The following FAM107B variants were observed in gnomAD, a reference collection of about 807,000 sequenced individuals.
FAM107B encodes protein FAM107B.
In FAM107B, 21 loss-of-function variants were observed where a neutral mutation model predicts 31.5. The observed-to-expected ratio is 0.67, with a 90% CI of 0.47 to 0.96. The LOEUF is 0.96. Among genes scored for constraint, FAM107B ranks in the 40% least tolerant of loss-of-function variants. FAM107B has a pLI of 0.00. For missense variants in FAM107B, 452 were observed against 377.1 expected, an observed-to-expected ratio of 1.20 and a Z score of -1.64; for synonymous variants, 157 against 141.5, an observed-to-expected ratio of 1.11 and a Z score of -0.78.
At chr10:14,675,298 G>A (rs1204838680) in intron 1 of FAM107B, among the ~76,000 whole-genome samples, 2 of 152,070 alleles carry the variant, frequency 1.3e-5, no homozygotes, top group African/African-American at 4.8e-5. Context: ...GCCCAAGTGT[G>A]CCCCAGTTTT....
chr10:14,574,036 T>A (rs893950311), intron 2 of FAM107B, among the ~76,000 whole-genome samples: 1 of 151,936 alleles, frequency 6.6e-6, no homozygotes, highest in Non-Finnish European at 1.5e-5. Flanking sequence ...AAGACCAGGG[T>A]AGACACTTAA....
At chr10:14,682,893 T>TA (rs1417734566) in intron 1 of FAM107B, among the ~76,000 whole-genome samples, 5 of 150,536 alleles carry the variant, frequency 3.3e-5, no homozygotes, top group Admixed American at 2.0e-4. Context: ...AGTATAATAA[T>TA]AAAAAAAAGA....
intron 2 of FAM107B, among the ~76,000 whole-genome samples, chr10:14,597,511 T>C (rs1852227144): frequency 6.6e-6 from 1 of 152,206 alleles, no homozygotes; most frequent in African/African-American, 2.4e-5. Context: ...AGGCTATTTC[T>C]AATATGAAAA....
chr10:14,521,327 GA>G, intron 4 of FAM107B, 21 bp from the exon 5 acceptor site: 1 of 1,597,760 alleles, frequency 6.3e-7, no homozygotes, highest in Non-Finnish European at 8.6e-7. Context: ...TTCAGAAAAG[GA>G]AAAATTATTT....
intron 2 of FAM107B, among the ~76,000 whole-genome samples, chr10:14,601,219 A>G (rs1852386345): frequency 1.3e-5 from 2 of 152,206 alleles, no homozygotes. Flanking sequence ...CCCCTTGTCC[A>G]TGCACCATAA....
chr10:14,519,485 T>C lies in FAM107B; in HGVS notation c.*1705A>G, dbSNP rs781197094. 2.0e-5 allele frequency: 3 copies of C among 152,250 alleles called. No individual in the cohort carries two copies. Among genetic ancestry groups the C allele is most frequent in the Non-Finnish European group, 4.4e-5 (3 of 68,042 alleles). The allele number at this position is 152,250 out of a possible 1,614,324, so 9.4% of individuals were successfully genotyped here. On this transcript the variant is annotated 3_prime_UTR_variant, in exon 5 of 5. Transcript: ENST00000181796. ...GAAAAAATAGTTACCATTCCATTCT[T>C]CGAAACCAAATTACTGTAGAGCAAC...
chr10:14,524,849 G>C (rs1280487622), intron 3 of FAM107B, among the ~76,000 whole-genome samples: 3 of 152,210 alleles, frequency 2.0e-5, no homozygotes, highest in Non-Finnish European at 4.4e-5. Context: ...AAAAGCTGCT[G>C]AAGATTTGAT....
chr10:14,583,759 A>C (rs1456447783), intron 2 of FAM107B, among the ~76,000 whole-genome samples: 1 of 152,094 alleles, frequency 6.6e-6, no homozygotes, highest in Non-Finnish European at 1.5e-5. Context: ...AAAGGAAAAG[A>C]AACCACTGGA....
Position 14,774,287 on chromosome 10 carries a change from G to C in FAM107B, c.377C>G (p.Ser126Cys). The change falls in exon 1 of 5, where the codon TCC becomes TGC. Residue 126 changes from serine (S) to cysteine (C), a missense_variant. Ser to Cys is a moderately radical substitution (Grantham distance 112). Transcript: ENST00000181796. Reference sequence around the variant, plus strand: ...GTCAATAATTGATGGTCTGGGGATGGAAGCGTGAAACACCACTGCTTCACA... The same window carrying C: ...GTCAATAATTGATGGTCTGGGGATGCAAGCGTGAAACACCACTGCTTCACA... ...ADCEAVVFHA[S>C]IPRPSIIDTP... 4 of 1,613,730 alleles carry C rather than the reference G, an allele frequency of 2.5e-6. No homozygotes were observed. Among genetic ancestry groups the C allele is most frequent in the Non-Finnish European group, 3.4e-6 (4 of 1,179,696 alleles).
At chr10:14,633,358 A>G (rs531888511) in intron 2 of FAM107B, among the ~76,000 whole-genome samples, 3 of 152,220 alleles carry the variant, frequency 2.0e-5, no homozygotes, top group East Asian at 3.9e-4. Context: ...ATACACATAG[A>G]CTCCTGGTTT....
intron 1 of FAM107B, among the ~76,000 whole-genome samples, chr10:14,725,821 C>CTTT (rs759788163): frequency 0.013 from 1,241 of 94,234 alleles, 29 homozygotes; most frequent in East Asian, 0.037. Flanking sequence ...CAGTCAAATC[C>CTTT]TTTTTTTTTT....
At chr10:14,671,526 G>A (rs1272816699) in intron 1 of FAM107B, among the ~76,000 whole-genome samples, 4 of 152,154 alleles carry the variant, frequency 2.6e-5, no homozygotes, top group Non-Finnish European at 5.9e-5. Flanking sequence ...TGGGCAGGCT[G>A]GTTGGAGGTT....
chr10:14,578,438 C>T (rs1453983603), intron 2 of FAM107B, among the ~76,000 whole-genome samples: 1 of 152,186 alleles, frequency 6.6e-6, no homozygotes, highest in African/African-American at 2.4e-5. Flanking sequence ...ATCACGGAGG[C>T]ACATTTCCTT....
At chr10:14,559,238 G>C (rs1215738973) in intron 2 of FAM107B, among the ~76,000 whole-genome samples, 1 of 152,186 alleles carries the variant, frequency 6.6e-6, no homozygotes, top group East Asian at 1.9e-4. Context: ...AGGGCAGGAC[G>C]GGGAGAACTG....
At chr10:14,628,412 C>T (rs1258123244) in intron 2 of FAM107B, among the ~76,000 whole-genome samples, 1 of 152,124 alleles carries the variant, frequency 6.6e-6, no homozygotes, top group Non-Finnish European at 1.5e-5. Context: ...GCCACTGCAC[C>T]CGGCCCATAG....
At chr10:14,680,437 G>A (rs974902633) in intron 1 of FAM107B, among the ~76,000 whole-genome samples, 2 of 152,020 alleles carry the variant, frequency 1.3e-5, no homozygotes, top group Non-Finnish European at 2.9e-5. Flanking sequence ...AGCCAGGTGT[G>A]GTGGCACATG....
chr10:14,678,173 T>C (rs1854735209), intron 1 of FAM107B, among the ~76,000 whole-genome samples: 1 of 152,222 alleles, frequency 6.6e-6, no homozygotes, highest in Non-Finnish European at 1.5e-5. Context: ...TTATTCTCTC[T>C]AAATTTCCTC....
intron 1 of FAM107B, among the ~76,000 whole-genome samples, chr10:14,711,922 G>A: frequency 6.6e-6 from 1 of 152,228 alleles, no homozygotes; most frequent in Admixed American, 6.5e-5. Context: ...GGGATTACAG[G>A]TGTGCGCCAC....
intron 2 of FAM107B, among the ~76,000 whole-genome samples, chr10:14,581,237 C>A (rs1198733412): frequency 6.6e-6 from 1 of 152,174 alleles, no homozygotes; most frequent in Non-Finnish European, 1.5e-5. Context: ...GGCCCGGAGG[C>A]CTCTGCAGCA....
Sources: gnomAD v4.1 joint callset for allele counts (sites outside exome capture counted in the v4.1 genomes callset) on GRCh38, gnomAD v4.1.1 for gene constraint, MANE v1.5 for transcripts, NCBI Gene and HGNC (gene_info 2026-07-23, HGNC 2026-07-21) for gene names.